Variants in PRKN observed in about 807,000 individuals in gnomAD.
The protein encoded by PRKN is parkin RBR E3 ubiquitin protein ligase.
In PRKN, 56 loss-of-function variants were observed where a neutral mutation model predicts 59.5. The observed-to-expected ratio is 0.94, with a 90% CI of 0.76 to 1.18. The LOEUF (loss-of-function observed/expected upper bound fraction) is 1.18, where lower values mean the gene tolerates loss of function less well. Ranked by LOEUF, PRKN falls within the 50% of genes most tolerant of loss-of-function variation. PRKN has a pLI of 0.00. For missense variants in PRKN, 657 were observed against 596.4 expected (o/e 1.10, Z -1.06); for synonymous variants, 250 against 222.1 (o/e 1.13, Z -1.12).
rs377262316 is a variant in PRKN, at chr6:161,903,787, TC to T, written c.734+69514del. ...AGGAGCCTGGGAACACAGAGAACTTTCTTTTTTTCTTTTTCTTTTTTTTTTT... is the reference window on the plus strand; with the variant it reads ...AGGAGCCTGGGAACACAGAGAACTTTTTTTTTTCTTTTTCTTTTTTTTTTT... On this transcript the variant is annotated intron_variant, in intron 6 of 11. Coordinates refer to ENST00000366898, the MANE Select transcript of PRKN (RefSeq NM_004562.3). Among the ~76,000 whole-genome samples, 208 of 143,092 alleles carry T rather than the reference TC, an allele frequency of 1.5e-3. 3 individuals are homozygous for T. Among genetic ancestry groups the T allele is most frequent in the South Asian group, 2.7e-3 (12 of 4,370 alleles). 93.9% of individuals were successfully genotyped at this position (143,092 alleles called of 152,430 possible). A position where few individuals can be genotyped will look rare whatever the true frequency, so the allele number is the denominator to read the frequency against.
chr6:162,060,625 T>C (rs141633344), intron 4 of PRKN, among the ~76,000 whole-genome samples: 223 of 152,322 alleles, frequency 1.5e-3, no homozygotes, highest in African/African-American at 5.1e-3. Context: ...TAACTGACTA[T>C]TTCATATCCA....
chr6:161,780,538 TA>T (rs1364398990), intron 7 of PRKN, among the ~76,000 whole-genome samples: 1 of 152,180 alleles, frequency 6.6e-6, no homozygotes, highest in Non-Finnish European at 1.5e-5. Flanking sequence ...TGTGCTTGGC[TA>T]AAAGAATAAT....
intron 5 of PRKN, among the ~76,000 whole-genome samples, chr6:161,981,139 G>C (rs1781244595): frequency 6.6e-6 from 1 of 152,160 alleles, no homozygotes; most frequent in African/African-American, 2.4e-5. Flanking sequence ...CAGTTACCAA[G>C]TTAAGACAGA....
At chr6:162,634,453 C>G (rs1777632916) in intron 1 of PRKN, among the ~76,000 whole-genome samples, 1 of 152,134 alleles carries the variant, frequency 6.6e-6, no homozygotes, top group Non-Finnish European at 1.5e-5. Flanking sequence ...GCTGTTTCTA[C>G]CATAGCTGTG....
At chr6:161,677,581 G>T (rs1785134998) in intron 7 of PRKN, among the ~76,000 whole-genome samples, 1 of 152,230 alleles carries the variant, frequency 6.6e-6, no homozygotes, top group African/African-American at 2.4e-5. Flanking sequence ...TATGCTGGCA[G>T]CTGGTGCTCA....
intron 2 of PRKN, among the ~76,000 whole-genome samples, chr6:162,347,379 T>C (rs926995356): frequency 6.6e-6 from 1 of 151,808 alleles, no homozygotes; most frequent in South Asian, 2.1e-4. Context: ...TAATACCATC[T>C]AATTTCCTTT....
rs562505681 is a variant in PRKN, at chr6:161,751,334, T to C, written c.871+34438A>G. 4.4e-4 allele frequency among the ~76,000 whole-genome samples: 67 copies of C among 152,308 alleles called. No individual in the cohort carries two copies. In the South Asian group the frequency reaches 0.011, roughly 24 times the overall value. ...ATTCTTCCTTCACATTTCCTATCAA[T>C]CATAATTCTATCAGCCAGCTGAATA... On this transcript the variant is annotated intron_variant, in intron 7 of 11. Transcript: ENST00000366898.
At chr6:161,573,308 C>A (rs1198313454) in intron 7 of PRKN, among the ~76,000 whole-genome samples, 2 of 152,122 alleles carry the variant, frequency 1.3e-5, no homozygotes, top group Admixed American at 1.3e-4. Context: ...ATATTTTGGT[C>A]TTGTACTTTC....
intron 1 of PRKN, among the ~76,000 whole-genome samples, chr6:162,566,800 C>T (rs1427222701): frequency 5.9e-5 from 9 of 152,094 alleles, no homozygotes; most frequent in African/African-American, 1.9e-4. Flanking sequence ...CAGTATTACT[C>T]TGATACCAAA....
rs1779664965 is a variant in PRKN at position 161,943,886 on chromosome 6, A to ATCAGCC, written c.734+29415_734+29416insGGCTGA. Among the ~76,000 whole-genome samples the ATCAGCC allele has an allele frequency of 7.1e-5, 9 of 126,138 alleles. 1 individual carries two copies. The South Asian group carries it at 9.9e-4, about 14-fold the overall frequency. 82.8% of individuals were successfully genotyped at this position (126,138 alleles called of 152,430 possible). On this transcript the variant is annotated intron_variant, in intron 6 of 11. Coordinates refer to ENST00000366898, the MANE Select transcript of PRKN (RefSeq NM_004562.3). ...GCAGCCTGAGGAAGCAGCCTGAGGGATTGGCCTGAGGATGCAGCCTGAGGG... is the reference window on the plus strand; with the variant it reads ...GCAGCCTGAGGAAGCAGCCTGAGGGATCAGCCTTGGCCTGAGGATGCAGCCTGAGGG...
chr6:162,111,203 C>T (rs186982322), intron 4 of PRKN, among the ~76,000 whole-genome samples: 36 of 152,250 alleles, frequency 2.4e-4, no homozygotes, highest in East Asian at 5.8e-4. Context: ...CAGTAGATCA[C>T]GCCTTTAATC....
At chr6:162,550,443 C>CA (rs1156538791) in intron 1 of PRKN, among the ~76,000 whole-genome samples, 1 of 152,150 alleles carries the variant, frequency 6.6e-6, no homozygotes, top group African/African-American at 2.4e-5. Flanking sequence ...AGACACTTCT[C>CA]AGAGTTGTCC....
intron 1 of PRKN, among the ~76,000 whole-genome samples, chr6:162,541,363 C>T (rs1432269153): frequency 6.6e-6 from 1 of 152,168 alleles, no homozygotes; most frequent in Non-Finnish European, 1.5e-5. Flanking sequence ...CTGGGGAGAG[C>T]CATCCAGACA....
intron 6 of PRKN, among the ~76,000 whole-genome samples, chr6:161,907,300 G>A (rs573223560): frequency 2.6e-5 from 4 of 152,082 alleles, no homozygotes; most frequent in East Asian, 1.9e-4. Flanking sequence ...AGGCAAAATC[G>A]TCAAGGGTTT....
At chr6:162,032,569 C>A (rs1783680982) in intron 5 of PRKN, among the ~76,000 whole-genome samples, 1 of 152,154 alleles carries the variant, frequency 6.6e-6, no homozygotes, top group Non-Finnish European at 1.5e-5. Context: ...TGCTGGTTAT[C>A]TTACGTATAT....
chr6:162,377,702 G>C (rs553604367), intron 2 of PRKN, among the ~76,000 whole-genome samples: 1 of 152,190 alleles, frequency 6.6e-6, no homozygotes, highest in Non-Finnish European at 1.5e-5. Flanking sequence ...GGACAGGCAT[G>C]TAAGTCATAT....
At chr6:161,815,913 G>A (rs574318886) in intron 6 of PRKN, among the ~76,000 whole-genome samples, 21 of 152,330 alleles carry the variant, frequency 1.4e-4, no homozygotes, top group Non-Finnish European at 2.4e-4. Context: ...GTATGCACAC[G>A]TACACTCACT....
chr6:162,171,042 T>C (rs1438899898), intron 4 of PRKN, among the ~76,000 whole-genome samples: 3 of 152,134 alleles, frequency 2.0e-5, no homozygotes, highest in African/African-American at 7.2e-5. Flanking sequence ...TTTCATGATA[T>C]ACTAAGTATG....
Position 161,973,341 on chromosome 6 carries a change from T to C in PRKN, c.695A>G (p.Asn232Ser). Residue 232 changes from asparagine (N) to serine (S), a missense_variant, in exon 6 of 12, where the codon AAT (asparagine) becomes AGT (serine). Asn to Ser is a conservative substitution (Grantham distance 46). Transcript: ENST00000366898. ...CGTAATGCAAGTGATGTTCCGACTATTTGTTGCGATCAGGTGCAAAGCTAC... is the reference window on the plus strand; with the variant it reads ...CGTAATGCAAGTGATGTTCCGACTACTTGTTGCGATCAGGTGCAAAGCTAC... ...TSVALHLIAT[N>S]SRNITCITCT... 1 of 1,613,928 alleles carries C rather than the reference T, an allele frequency of 6.2e-7. No individual in the cohort carries two copies. The highest frequency in any genetic ancestry group is 8.5e-7 in the Non-Finnish European group (1 of 1,179,792).
Sources: gnomAD v4.1 joint callset for allele counts (sites outside exome capture counted in the v4.1 genomes callset) on GRCh38, gnomAD v4.1.1 for gene constraint, MANE v1.5 for transcripts, NCBI Gene and HGNC (gene_info 2026-07-23, HGNC 2026-07-21) for gene names.